Variants in RGS7 observed in about 807,000 individuals in gnomAD.
RGS7 encodes regulator of G-protein signaling 7.
In RGS7, 27 loss-of-function variants were observed where a neutral mutation model predicts 81.1. The observed-to-expected ratio is 0.33, with a 90% CI of 0.25 to 0.46. RGS7 has a LOEUF of 0.46. Among genes scored for constraint, RGS7 ranks in the 20% least tolerant of loss-of-function variants. RGS7 has a pLI of 1.00. For synonymous variants in RGS7, 208 were observed against 207.7 expected (o/e 1.00, Z -0.01); for missense variants, 396 against 607.4 (o/e 0.65, Z 3.66).
At chr1:240,971,151 C>T (rs1223005892) in intron 4 of RGS7, among the ~76,000 whole-genome samples, 1 of 152,080 alleles carries the variant, frequency 6.6e-6, no homozygotes, top group Non-Finnish European at 1.5e-5. Context: ...AAAAGAGGCT[C>T]CAGAGAGCTC....
intron 2 of RGS7, among the ~76,000 whole-genome samples, chr1:241,157,288 G>A (rs1040994952): frequency 7.2e-5 from 11 of 152,146 alleles, no homozygotes; most frequent in African/African-American, 1.4e-4. Flanking sequence ...ACCTCCAGAA[G>A]TGCTGGCCAT....
At chr1:240,821,192 T>C (rs1431713879) in intron 10 of RGS7, among the ~76,000 whole-genome samples, 1 of 152,020 alleles carries the variant, frequency 6.6e-6, no homozygotes, top group African/African-American at 2.4e-5. Context: ...GTGGCTCATG[T>C]CTGTAATCCC....
intron 3 of RGS7, chr1:240,998,348 A>C (rs575226): frequency 2.1e-6 from 1 of 470,938 alleles, no homozygotes; most frequent in Non-Finnish European, 3.8e-6. Flanking sequence ...CTGAAGGTTT[A>C]TATCTTTGCT....
At chr1:240,927,323 C>T (rs981977794) in intron 6 of RGS7, among the ~76,000 whole-genome samples, 4 of 152,204 alleles carry the variant, frequency 2.6e-5, no homozygotes, top group Non-Finnish European at 5.9e-5. Flanking sequence ...CCTCAGCCTA[C>T]CAATGTGTTG....
chr1:241,159,756 A>G (rs1306404478), intron 2 of RGS7, among the ~76,000 whole-genome samples: 2 of 152,136 alleles, frequency 1.3e-5, no homozygotes, highest in Non-Finnish European at 2.9e-5. Flanking sequence ...TATACACAGG[A>G]CAAGAATTAT....
At chr1:240,858,547 T>G (rs1352660006) in intron 9 of RGS7, among the ~76,000 whole-genome samples, 1 of 152,234 alleles carries the variant, frequency 6.6e-6, no homozygotes, top group East Asian at 1.9e-4. Context: ...GTTCAGATCC[T>G]TTGTCCATTT....
intron 2 of RGS7, among the ~76,000 whole-genome samples, chr1:241,196,313 C>T (rs139075073): frequency 6.6e-6 from 1 of 151,988 alleles, no homozygotes; most frequent in African/African-American, 2.4e-5. Flanking sequence ...GAACTGAATG[C>T]ACCAGCAGCA....
intron 4 of RGS7, among the ~76,000 whole-genome samples, chr1:240,969,852 G>A (rs1451273573): frequency 1.3e-5 from 2 of 152,222 alleles, no homozygotes; most frequent in Non-Finnish European, 2.9e-5. Context: ...AAGTGAAGGT[G>A]ACATCCCTCG....
intron 2 of RGS7, among the ~76,000 whole-genome samples, chr1:241,232,184 T>C (rs1229072357): frequency 7.0e-6 from 1 of 141,952 alleles, no homozygotes; most frequent in East Asian, 2.1e-4. Flanking sequence ...CATTGTTGTA[T>C]ATGTCTATTC....
chr1:241,012,352 C>T (rs1011004349), intron 3 of RGS7, among the ~76,000 whole-genome samples: 3 of 152,148 alleles, frequency 2.0e-5, no homozygotes, highest in African/African-American at 7.2e-5. Context: ...ACACAACCTA[C>T]TTGCCTTACA....
In RGS7 at chr1:241,043,617, T is replaced by C. The variant is rs1438787192; in HGVS notation, c.175+55049A>G. ...TATATATTATAATATTATATAGTTA[T>C]ATTTTATATAATACATATTATAATA... is the stretch of plus-strand genomic sequence containing the variant. On this transcript the variant is annotated intron_variant, in intron 3 of 18. Transcript: ENST00000440928. Among the ~76,000 whole-genome samples the C allele has an allele frequency of 4.1e-5, 6 of 147,564 alleles. No individual in the cohort carries two copies. The East Asian group carries it at 1.2e-3, about 29-fold the overall frequency.
intron 2 of RGS7, among the ~76,000 whole-genome samples, chr1:241,267,769 A>G (rs2077669385): frequency 6.6e-6 from 1 of 152,106 alleles, no homozygotes; most frequent in Non-Finnish European, 1.5e-5. Context: ...ACATAGCACT[A>G]TCCTGTCCTC....
In RGS7 at chr1:240,915,206, C is replaced by A. The variant is rs1422366863; in HGVS notation, c.385+15511G>T. Among the ~76,000 whole-genome samples the A allele has an allele frequency of 2.0e-5, 3 of 152,132 alleles. No individual in the cohort carries two copies. The South Asian group carries it at 6.2e-4, about 31-fold the overall frequency. ...AGAAACTGTATTACCCAGAGCCCAA[C>A]AGACTGAGATTATAGCAGAGCCTAA... is the stretch of plus-strand genomic sequence containing the variant. On this transcript the variant is annotated intron_variant, in intron 6 of 18. Transcript: ENST00000440928.
chr1:241,082,013 G>A (rs185644677), intron 3 of RGS7, among the ~76,000 whole-genome samples: 1 of 152,202 alleles, frequency 6.6e-6, no homozygotes, highest in East Asian at 1.9e-4. Context: ...TCAGAGAGAA[G>A]GCTTCTTTGT....
chr1:241,110,523 G>T (rs2065437778), intron 2 of RGS7, among the ~76,000 whole-genome samples: 1 of 152,156 alleles, frequency 6.6e-6, no homozygotes, highest in Non-Finnish European at 1.5e-5. Flanking sequence ...AGTGAAAAAG[G>T]CAGAGAATGC....
chr1:241,217,510 T>G (rs1218313109), intron 2 of RGS7, among the ~76,000 whole-genome samples: 1 of 152,080 alleles, frequency 6.6e-6, no homozygotes, highest in African/African-American at 2.4e-5. Context: ...TGGCAAAAAT[T>G]TCCCTCAATT....
intron 6 of RGS7, among the ~76,000 whole-genome samples, chr1:240,874,116 C>T (rs567632835): frequency 1.2e-4 from 19 of 152,206 alleles, no homozygotes; most frequent in African/African-American, 4.3e-4. Flanking sequence ...AAGACAGTGC[C>T]GACTATGAAC....
chr1:240,775,862 TGA>T lies in RGS7; in HGVS notation c.*356_*357del, dbSNP rs138253560. On this transcript the variant is annotated 3_prime_UTR_variant, in exon 19 of 19. Transcript: ENST00000440928. Reference sequence around the variant, plus strand: ...TGAACTGTGTGTCTAACTGAAGCTTTGAGAGAGAGAGAGAGAGAAAGAAGGAA... The same window carrying T: ...TGAACTGTGTGTCTAACTGAAGCTTTGAGAGAGAGAGAGAGAAAGAAGGAA... 6,540 of 307,064 alleles carry T rather than the reference TGA, an allele frequency of 0.021. No individual in the cohort carries two copies. The highest frequency in any genetic ancestry group is 0.038 in the South Asian group (928 of 24,342). The allele number at this position is 307,064 out of a possible 1,614,324, so 19.0% of individuals were successfully genotyped here. A position where few individuals can be genotyped will look rare whatever the true frequency, so the allele number is the denominator to read the frequency against.
At chr1:240,871,744 A>C (rs1441776895) in intron 6 of RGS7, among the ~76,000 whole-genome samples, 1 of 152,230 alleles carries the variant, frequency 6.6e-6, no homozygotes, top group Non-Finnish European at 1.5e-5. Flanking sequence ...AAAGAAATTG[A>C]AGCGTAAGTG....
Sources: allele counts gnomAD v4.1 joint callset (sites outside exome capture counted in the v4.1 genomes callset), GRCh38; gene constraint gnomAD v4.1.1; transcripts MANE v1.5; gene names NCBI Gene and HGNC (gene_info 2026-07-23, HGNC 2026-07-21).